EYS: variants seen among roughly 807,000 people sequenced by gnomAD.
EYS encodes protein eyes shut homolog.
EYS carries 250 observed loss-of-function variants against 282.1 expected under a neutral mutation model. The ratio of observed to expected loss-of-function variants is 0.89; its 90% CI spans 0.80 to 0.98. The LOEUF is 0.98. Among genes scored for constraint, EYS ranks in the 50% least tolerant of loss-of-function variants. EYS has a pLI of 0.00. For missense variants in EYS, 4,016 were observed against 3,709.0 expected (o/e 1.08, Z -2.15); for synonymous variants, 1,355 against 1,282.9 (o/e 1.06, Z -1.20).
At chr6:64,159,324 G>T (rs762903293) in intron 31 of EYS, among the ~76,000 whole-genome samples, 44 of 152,118 alleles carry the variant, frequency 2.9e-4, no homozygotes, top group Non-Finnish European at 5.6e-4. Context: ...ACTTTGGGAG[G>T]CCGAGGCAGG....
intron 12 of EYS, among the ~76,000 whole-genome samples, chr6:65,270,364 G>C (rs927598280): frequency 1.3e-5 from 2 of 152,136 alleles, no homozygotes; most frequent in Non-Finnish European, 2.9e-5. Context: ...TATTGGATCA[G>C]GAGTTACATC....
At chr6:65,565,800 G>C (rs141766602) in intron 2 of EYS, among the ~76,000 whole-genome samples, 2 of 152,012 alleles carry the variant, frequency 1.3e-5, no homozygotes, top group Non-Finnish European at 2.9e-5. Flanking sequence ...CCTTTGTAGG[G>C]ACATGGATGA....
intron 36 of EYS, among the ~76,000 whole-genome samples, chr6:63,830,748 C>G (rs1220348716): frequency 6.6e-6 from 1 of 152,146 alleles, no homozygotes; most frequent in Non-Finnish European, 1.5e-5. Flanking sequence ...AAGAGCAACT[C>G]CAAGACACAT....
rs111337479 is a variant in EYS, at chr6:64,658,835, A to G, written c.3444-32590T>C. On this transcript the variant is annotated intron_variant, in intron 22 of 42. Transcript: ENST00000503581. ...TCAATATTAGACAGATCAACGAGAC[A>G]GAAAGGTAACAAGGATATCCAGGAA... Among the ~76,000 whole-genome samples, 887 of 152,352 alleles carry G rather than the reference A, an allele frequency of 5.8e-3. 14 individuals are homozygous for G. Among genetic ancestry groups the G allele is most frequent in the Middle Eastern group, 0.017 (5 of 294 alleles).
At chr6:64,328,189 C>A (rs192267699) in intron 29 of EYS, among the ~76,000 whole-genome samples, 1 of 152,294 alleles carries the variant, frequency 6.6e-6, no homozygotes, top group Non-Finnish European at 1.5e-5. Context: ...CACAATCCTA[C>A]CTGGGCTGAT....
At chr6:64,766,639 A>ACAAAAAC (rs1212961829) in intron 22 of EYS, among the ~76,000 whole-genome samples, 1 of 5,908 alleles carries the variant, frequency 1.7e-4, no homozygotes, top group Non-Finnish European at 5.2e-4. Context: ...CTCAAAAAAA[A>ACAAAAAC]AAAAAAAAAA....
chr6:65,127,206 C>G (rs572486251), intron 12 of EYS, among the ~76,000 whole-genome samples: 13 of 151,872 alleles, frequency 8.6e-5, no homozygotes, highest in African/African-American at 2.9e-4. Context: ...AAGAAAAATA[C>G]TAAAAAAATA....
chr6:63,791,331 C>T (rs184970454), intron 37 of EYS, among the ~76,000 whole-genome samples: 33 of 152,012 alleles, frequency 2.2e-4, no homozygotes, highest in Non-Finnish European at 4.1e-4. Flanking sequence ...TTTGGGAGAC[C>T]GAGGCGGGCA....
chr6:65,672,711 C>G (rs1297384088), intron 1 of EYS, among the ~76,000 whole-genome samples: 4 of 152,048 alleles, frequency 2.6e-5, no homozygotes, highest in Admixed American at 2.6e-4. Context: ...TAAAGATGCT[C>G]AATGAATACA....
chr6:64,785,462 CT>C (rs1016910558), intron 22 of EYS, among the ~76,000 whole-genome samples: 143 of 152,240 alleles, frequency 9.4e-4, no homozygotes, highest in African/African-American at 3.3e-3. Context: ...CCATAATTTT[CT>C]TATTTCAGAA....
rs1288791310 is a variant in EYS, at chr6:64,520,665, G to A, written c.5644+69558C>T. On this transcript the variant is annotated intron_variant, in intron 26 of 42. Transcript: ENST00000503581. ...TTCTAGTGGGTGAGAGACTGGATAT[G>A]CACATTGAGTCAGGAGAAAAGATTT... 2.0e-5 allele frequency among the ~76,000 whole-genome samples: 3 copies of A among 151,768 alleles called. No individual in the cohort carries two copies. The East Asian group carries it at 5.8e-4, about 29-fold the overall frequency.
intron 2 of EYS, among the ~76,000 whole-genome samples, chr6:65,567,939 G>T (rs1764333275): frequency 6.6e-6 from 1 of 152,018 alleles, no homozygotes; most frequent in African/African-American, 2.4e-5. Context: ...AACTGAAGAT[G>T]AAGCTCAGGT....
chr6:65,277,994 C>A (rs966170496), intron 12 of EYS, among the ~76,000 whole-genome samples: 1 of 84,296 alleles, frequency 1.2e-5, no homozygotes, highest in Admixed American at 1.4e-4. Flanking sequence ...GTCTGACTAC[C>A]TTTTAGCTGG....
chr6:64,985,543 TAA>T (rs929491174), intron 14 of EYS, among the ~76,000 whole-genome samples: 4 of 151,530 alleles, frequency 2.6e-5, no homozygotes, highest in Admixed American at 1.3e-4. Context: ...AGTCAAACTC[TAA>T]GTGAGGTCTA....
intron 13 of EYS, among the ~76,000 whole-genome samples, chr6:65,042,098 T>C (rs893372544): frequency 6.6e-6 from 1 of 151,636 alleles, no homozygotes; most frequent in African/African-American, 2.4e-5. Flanking sequence ...TGACTGGAGT[T>C]ACTGATCAAC....
intron 34 of EYS, among the ~76,000 whole-genome samples, chr6:63,988,277 G>C (rs928810139): frequency 2.6e-5 from 4 of 151,550 alleles, no homozygotes; most frequent in African/African-American, 9.7e-5. Flanking sequence ...TCACACACCT[G>C]GAAAAGTGAA....
intron 29 of EYS, among the ~76,000 whole-genome samples, chr6:64,331,151 G>A (rs1422150881): frequency 1.3e-5 from 2 of 152,232 alleles, no homozygotes; most frequent in Admixed American, 6.5e-5. Context: ...CTAGAACGTT[G>A]CTCTTGGCCA....
intron 16 of EYS, among the ~76,000 whole-genome samples, chr6:64,902,956 A>G (rs1038113941): frequency 6.6e-6 from 1 of 152,100 alleles, no homozygotes; most frequent in Non-Finnish European, 1.5e-5. Context: ...AAGAAAACAA[A>G]TTATTTTGAT....
intron 29 of EYS, among the ~76,000 whole-genome samples, chr6:64,373,896 C>T (rs571748795): frequency 3.7e-4 from 57 of 152,146 alleles, no homozygotes; most frequent in South Asian, 2.1e-3. Context: ...TGCTCTCCAG[C>T]TGAGTTTTAC....
Sources: gnomAD v4.1 joint callset for allele counts (sites outside exome capture counted in the v4.1 genomes callset) on GRCh38, gnomAD v4.1.1 for gene constraint, MANE v1.5 for transcripts, NCBI Gene and HGNC (gene_info 2026-07-23, HGNC 2026-07-21) for gene names.